The following CACNA1C variants were observed in gnomAD, a reference collection of about 807,000 sequenced individuals.
CACNA1C encodes the protein calcium voltage-gated channel subunit alpha1 C.
Under a neutral mutation model 229.0 loss-of-function variants are expected in CACNA1C, and 30 were observed. The observed-to-expected ratio is 0.13, with a 90% CI of 0.10 to 0.18. The LOEUF is 0.18. Ranked by LOEUF, CACNA1C falls within the 10% of genes least tolerant of loss-of-function variation. The pLI, the probability that CACNA1C is intolerant of heterozygous loss-of-function variation, is 1.00. For synonymous variants in CACNA1C, 1,114 were observed against 1,132.5 expected (o/e 0.98, Z 0.33); for missense variants, 1,658 against 2,845.0 (o/e 0.58, Z 9.49).
chr12:2,025,728 C>T (rs1593948075), intron 1 of CACNA1C, among the ~76,000 whole-genome samples: 1 of 152,296 alleles, frequency 6.6e-6, no homozygotes, highest in Non-Finnish European at 1.5e-5. Flanking sequence ...CTTGTCAATT[C>T]TCCCCAAATT....
rs999036491 is a variant in CACNA1C at position 2,678,655 on chromosome 12, C to T, written c.5091+788C>T. 6.6e-6 allele frequency among the ~76,000 whole-genome samples: 1 copy of T among 152,216 alleles called. No homozygotes were observed. Among genetic ancestry groups the T allele is most frequent in the African/African-American group, 2.4e-5 (1 of 41,462 alleles). On this transcript the variant is annotated intron_variant, in intron 41 of 46. Transcript: ENST00000399655. This position sits in a 1 kb window ranked among gnomAD's most constrained non-coding sequence, Gnocchi z 4.1. The stretch of plus-strand genomic sequence containing the variant: ...GGGGCAAGCTGAGCCCATCCTGCCC[C>T]TGCTCCGTCTCTTCCTCATCCTTAT...
At chr12:2,607,708 C>T (rs544453648) in intron 26 of CACNA1C, among the ~76,000 whole-genome samples, 46 of 152,378 alleles carry the variant, frequency 3.0e-4, no homozygotes, top group African/African-American at 1.0e-3. Context: ...TCACCTCTAC[C>T]AGGCAGCTTC....
intron 1 of CACNA1C, among the ~76,000 whole-genome samples, chr12:1,995,334 CCT>C (rs1258876841): frequency 6.6e-6 from 1 of 152,196 alleles, no homozygotes. Context: ...GAGAACGCAC[CCT>C]GTGTGCATGG....
At chr12:2,025,284 T>A (rs1344497562) in intron 1 of CACNA1C, among the ~76,000 whole-genome samples, 1 of 152,184 alleles carries the variant, frequency 6.6e-6, no homozygotes, top group Non-Finnish European at 1.5e-5. Context: ...CCACAGAACA[T>A]CTGGAAGAGC....
At chr12:2,209,179 G>A (rs1331897787) in intron 3 of CACNA1C, among the ~76,000 whole-genome samples, 2 of 152,312 alleles carry the variant, frequency 1.3e-5, no homozygotes, top group East Asian at 3.9e-4. Context: ...GTACCACAGT[G>A]AAGTCTTGGT....
Position 2,601,116 on chromosome 12 carries a change from C to T in CACNA1C, c.2854-738C>T, listed in dbSNP as rs1479990179. Among the ~76,000 whole-genome samples the T allele has an allele frequency of 2.0e-5, 3 of 152,222 alleles. No individual in the cohort carries two copies. The highest frequency in any genetic ancestry group is 4.4e-5 in the Non-Finnish European group (3 of 68,038). ...CCTCATAGCCCCTCTGATCACACAA[C>T]TTTTGCCCTTAAAGAACTCCAGATG... On this transcript the variant is annotated intron_variant, in intron 21 of 46. Coordinates refer to ENST00000399655, the MANE Select transcript of CACNA1C (RefSeq NM_000719.7). This position sits in a 1 kb window ranked among gnomAD's most constrained non-coding sequence, Gnocchi z 5.9.
At chr12:2,401,436 A>G (rs112924268) in intron 3 of CACNA1C, among the ~76,000 whole-genome samples, 57 of 152,384 alleles carry the variant, frequency 3.7e-4, no homozygotes, top group African/African-American at 1.3e-3. Flanking sequence ...TCATCTGATC[A>G]TCATCAACCA....
At chr12:2,581,516 C>A in intron 13 of CACNA1C, 74 bp from the exon 14 acceptor site, 1 of 1,319,876 alleles carries the variant, frequency 7.6e-7, no homozygotes, top group Non-Finnish European at 1.0e-6. Context: ...CTGCAGTGGG[C>A]AGTTGTGAGA....
intron 3 of CACNA1C, among the ~76,000 whole-genome samples, chr12:2,182,993 T>C (rs951053255): frequency 1.2e-4 from 18 of 152,190 alleles, no homozygotes; most frequent in Non-Finnish European, 2.6e-4. Flanking sequence ...AATGGGGATA[T>C]CACTTCCCCC....
At chr12:2,362,187 G>T (rs933489106) in intron 3 of CACNA1C, among the ~76,000 whole-genome samples, 4 of 152,136 alleles carry the variant, frequency 2.6e-5, no homozygotes, top group Admixed American at 2.6e-4. Flanking sequence ...AGAGGCATAC[G>T]GTGTAGCCCC....
chr12:1,994,653 A>G (rs916781301), intron 1 of CACNA1C, among the ~76,000 whole-genome samples: 1 of 152,216 alleles, frequency 6.6e-6, no homozygotes, highest in African/African-American at 2.4e-5. Flanking sequence ...ACTCTCTATT[A>G]CAGAAAGGAA....
chr12:2,055,996 G>A (rs2054567396), intron 1 of CACNA1C, among the ~76,000 whole-genome samples: 1 of 152,168 alleles, frequency 6.6e-6, no homozygotes, highest in Non-Finnish European at 1.5e-5. Flanking sequence ...AGGGGTTAGA[G>A]TTTCAGGAGA....
intron 1 of CACNA1C, among the ~76,000 whole-genome samples, chr12:2,007,889 G>A (rs555215497): frequency 1.3e-5 from 2 of 152,080 alleles, no homozygotes; most frequent in African/African-American, 4.8e-5. Flanking sequence ...TTTTTCTTGT[G>A]GCACTTAGCT....
chr12:2,324,546 G>A (rs919849819), intron 3 of CACNA1C, among the ~76,000 whole-genome samples: 4 of 152,356 alleles, frequency 2.6e-5, no homozygotes, highest in African/African-American at 7.2e-5. Flanking sequence ...CCCGGGCCCC[G>A]CCTCCCCAGG....
intron 3 of CACNA1C, among the ~76,000 whole-genome samples, chr12:2,356,059 T>A (rs1444717427): frequency 6.6e-6 from 1 of 152,196 alleles, no homozygotes; most frequent in Non-Finnish European, 1.5e-5. Flanking sequence ...TTGAATTCAT[T>A]TAGTTAAATG....
At chr12:2,136,028 G>A (rs895713078) in intron 3 of CACNA1C, among the ~76,000 whole-genome samples, 8 of 150,392 alleles carry the variant, frequency 5.3e-5, no homozygotes, top group Admixed American at 1.3e-4. Flanking sequence ...TTTTTAAGCC[G>A]GTCTGAAAAG....
intron 3 of CACNA1C, among the ~76,000 whole-genome samples, chr12:2,232,687 T>C (rs2065806437): frequency 6.6e-6 from 1 of 152,180 alleles, no homozygotes; most frequent in Admixed American, 6.5e-5. Context: ...CTAATTATGA[T>C]TTTTCTATTG....
At chr12:2,050,072 C>T (rs933976231), upstream of CACNA1C, among the ~76,000 whole-genome samples, 2 of 152,212 alleles carry the variant, frequency 1.3e-5, no homozygotes, top group Non-Finnish European at 2.9e-5. Context: ...AAATCCTGCA[C>T]GTGACCCCCT....
At chr12:2,318,381 A>T (rs180910038) in intron 3 of CACNA1C, among the ~76,000 whole-genome samples, 2 of 152,216 alleles carry the variant, frequency 1.3e-5, no homozygotes, top group African/African-American at 4.8e-5. Context: ...AATTCTCCCT[A>T]TTGTGCAGGG....
Sources: allele counts gnomAD v4.1 joint callset (sites outside exome capture counted in the v4.1 genomes callset), GRCh38; gene constraint gnomAD v4.1.1; non-coding constraint Gnocchi (gnomAD v3.1); transcripts MANE v1.5; gene names NCBI Gene and HGNC (gene_info 2026-07-23, HGNC 2026-07-21).